Variants in FAM163A observed in about 807,000 individuals in gnomAD.
FAM163A encodes protein FAM163A.
In FAM163A, 7 loss-of-function variants were observed where a neutral mutation model predicts 12.0. The ratio of observed to expected loss-of-function variants is 0.58; its 90% CI spans 0.33 to 1.10. The LOEUF is 1.10. FAM163A is among the 50% of genes least tolerant of loss of function. The pLI, the probability that FAM163A is intolerant of heterozygous loss-of-function variation, is 0.03. For synonymous variants in FAM163A, 101 were observed against 91.0 expected, an observed-to-expected ratio of 1.11 and a Z score of -0.62; for missense variants, 202 against 218.6, an observed-to-expected ratio of 0.92 and a Z score of 0.48.
intron 3 of FAM163A, 26 bp from the exon 4 acceptor site, chr1:179,813,050 C>A: frequency 6.5e-7 from 1 of 1,546,264 alleles, no homozygotes; most frequent in Non-Finnish European, 8.8e-7. Context: ...CACAGCTGGT[C>A]CTCAGCCCTC....
At chr1:179,753,489 T>G (rs1685569122) in intron 1 of FAM163A, among the ~76,000 whole-genome samples, 1 of 152,226 alleles carries the variant, frequency 6.6e-6, no homozygotes, top group African/African-American at 2.4e-5. Context: ...CACAGTTTAA[T>G]GGAAATGTTA....
chr1:179,780,176 A>G (rs1267108005), intron 1 of FAM163A, among the ~76,000 whole-genome samples: 2 of 152,220 alleles, frequency 1.3e-5, no homozygotes, highest in East Asian at 3.8e-4. Context: ...GGACTATGCA[A>G]ATGTATATTT....
At chr1:179,754,741 T>G (rs1004536754) in intron 1 of FAM163A, among the ~76,000 whole-genome samples, 6 of 152,202 alleles carry the variant, frequency 3.9e-5, no homozygotes, top group Non-Finnish European at 8.8e-5. Flanking sequence ...AGTAGCCTGG[T>G]GTACTGCCTG....
chr1:179,774,375 T>C (rs1464852406), intron 1 of FAM163A, among the ~76,000 whole-genome samples: 1 of 152,258 alleles, frequency 6.6e-6, no homozygotes, highest in Non-Finnish European at 1.5e-5. Context: ...AGCCCATGGA[T>C]GCCCAGGGAA....
chr1:179,727,881 T>C, the FAM163A span, among the ~76,000 whole-genome samples: 1 of 152,132 alleles, frequency 6.6e-6, no homozygotes, highest in Non-Finnish European at 1.5e-5. Flanking sequence ...ATATTAAGGA[T>C]GGAGTAAGAT....
chr1:179,813,670 C>T, intron 4 of FAM163A, 109 bp from the exon 5 acceptor site: 1 of 1,292,850 alleles, frequency 7.7e-7, no homozygotes, highest in Non-Finnish European at 1.1e-6. Context: ...CAGTGCCTGG[C>T]ACTAGGTTCT....
intron 1 of FAM163A, among the ~76,000 whole-genome samples, chr1:179,779,389 A>G (rs917607459): frequency 2.0e-5 from 3 of 152,160 alleles, no homozygotes; most frequent in African/African-American, 7.2e-5. Context: ...TTGTGGTTAA[A>G]GCAGGCCTTG....
intron 1 of FAM163A, among the ~76,000 whole-genome samples, chr1:179,765,771 TG>T (rs1199889257): frequency 6.6e-6 from 1 of 151,972 alleles, no homozygotes; most frequent in African/African-American, 2.4e-5. Flanking sequence ...TCCATGGTTT[TG>T]CTCTCTTGAA....
intron 1 of FAM163A, among the ~76,000 whole-genome samples, chr1:179,775,205 C>A (rs1293345953): frequency 6.6e-6 from 1 of 152,122 alleles, no homozygotes; most frequent in Admixed American, 6.5e-5. Context: ...TGATTGGTTG[C>A]CGAAAGCAAC....
intron 1 of FAM163A, among the ~76,000 whole-genome samples, chr1:179,772,970 C>G (rs535590641): frequency 6.7e-6 from 1 of 150,038 alleles, no homozygotes; most frequent in African/African-American, 2.5e-5. Flanking sequence ...GCAGCCTTCC[C>G]AAGAGACCCA....
At chr1:179,741,723 A>C (rs1251982442), upstream of FAM163A, among the ~76,000 whole-genome samples, 1 of 152,374 alleles carries the variant, frequency 6.6e-6, no homozygotes, top group South Asian at 2.1e-4. Context: ...GTTCAAAACC[A>C]AGCAAAACTA....
At chr1:179,792,327 G>GTGTGTGTGTGT (rs1557952915) in intron 1 of FAM163A, among the ~76,000 whole-genome samples, 1 of 146,560 alleles carries the variant, frequency 6.8e-6, no homozygotes, top group African/African-American at 2.5e-5. Context: ...GTGTGTGTGT[G>GTGTGTGTGTGT]GAGATTGGGT....
chr1:179,776,879 CTAT>C (rs963165877), intron 1 of FAM163A, among the ~76,000 whole-genome samples: 5 of 152,158 alleles, frequency 3.3e-5, no homozygotes, highest in Non-Finnish European at 1.5e-5. Flanking sequence ...AAATCAAACC[CTAT>C]TATATTTACC....
chr1:179,748,656 G>A (rs1404732494), intron 1 of FAM163A, among the ~76,000 whole-genome samples: 1 of 152,198 alleles, frequency 6.6e-6, no homozygotes, highest in Non-Finnish European at 1.5e-5. Context: ...CATGCTGTCA[G>A]GTGCACAGGG....
At position 179,815,109 on chromosome 1, in the gene FAM163A, GCACAGACACACACACACACACA is replaced by G. The variant is rs1372285935; in HGVS notation, c.*925_*946del. On this transcript the variant is annotated 3_prime_UTR_variant, in exon 5 of 5. Transcript: ENST00000341785. ...CAGGTGTACGCACGCGCGCGCGCGC[GCACAGACACACACACACACACA>G]CACACACACACACACACACAGTAAC... 7.4e-5 allele frequency: 5 copies of G among 67,236 alleles called. No homozygotes were observed. The highest frequency in any genetic ancestry group is 3.2e-4 in the African/African-American group (5 of 15,782). 4.2% of individuals were successfully genotyped at this position (67,236 alleles called of 1,614,324 possible).
At chr1:179,735,358 A>G in the FAM163A span, among the ~76,000 whole-genome samples, 1 of 152,170 alleles carries the variant, frequency 6.6e-6, no homozygotes, top group African/African-American at 2.4e-5. Flanking sequence ...AGAAGAAATG[A>G]GCCTTGTATT....
At chr1:179,728,428 A>G in the FAM163A span, among the ~76,000 whole-genome samples, 4 of 152,214 alleles carry the variant, frequency 2.6e-5, no homozygotes, top group African/African-American at 9.6e-5. Flanking sequence ...AGCTCATTTC[A>G]GCCTGAAAGA....
At chr1:179,795,566 A>C (rs1320179993) in intron 1 of FAM163A, among the ~76,000 whole-genome samples, 1 of 152,294 alleles carries the variant, frequency 6.6e-6, no homozygotes, top group East Asian at 1.9e-4. Context: ...TGCTGGTGCC[A>C]TGCTCTTGGA....
At chr1:179,811,879 T>G (rs1176568624) in intron 2 of FAM163A, among the ~76,000 whole-genome samples, 1 of 152,168 alleles carries the variant, frequency 6.6e-6, no homozygotes, top group East Asian at 1.9e-4. Context: ...GACTTTAACC[T>G]GTCATAACTG....
Sources: gnomAD v4.1 joint callset for allele counts (sites outside exome capture counted in the v4.1 genomes callset) on GRCh38, gnomAD v4.1.1 for gene constraint, MANE v1.5 for transcripts, NCBI Gene and HGNC (gene_info 2026-07-23, HGNC 2026-07-21) for gene names.